Variants in ITPKB observed in about 807,000 individuals in gnomAD.
The protein encoded by ITPKB is inositol-trisphosphate 3-kinase B.
ITPKB carries 13 observed loss-of-function variants against 69.4 expected under a neutral mutation model. The observed-to-expected ratio is 0.19, with a 90% CI of 0.12 to 0.30. The LOEUF is 0.30. ITPKB is among the 10% of genes least tolerant of loss of function. ITPKB has a pLI of 1.00. For synonymous variants in ITPKB, 584 were observed against 513.7 expected, an observed-to-expected ratio of 1.14 and a Z score of -1.85; for missense variants, 1,240 against 1,250.5, an observed-to-expected ratio of 0.99 and a Z score of 0.13.
chr1:226,704,802 A>G (rs536270699), intron 2 of ITPKB, among the ~76,000 whole-genome samples: 2 of 152,248 alleles, frequency 1.3e-5, no homozygotes, highest in African/African-American at 2.4e-5. Flanking sequence ...ACCTGTGACT[A>G]CACACAGCCT....
At chr1:226,663,893 T>C (rs929931042) in intron 2 of ITPKB, among the ~76,000 whole-genome samples, 16 of 152,204 alleles carry the variant, frequency 1.1e-4, no homozygotes, top group African/African-American at 3.4e-4. Flanking sequence ...ACAGACAGCA[T>C]GGGTTTTCAC....
At chr1:226,698,117 C>T (rs192442798) in intron 2 of ITPKB, among the ~76,000 whole-genome samples, 54 of 152,328 alleles carry the variant, frequency 3.5e-4, no homozygotes, top group African/African-American at 1.1e-3. Context: ...TGTCAAGGGG[C>T]CAAGGGGAAT....
At chr1:226,639,688 G>A (rs1349833959) in intron 5 of ITPKB, 30 bp from the exon 6 acceptor site, 1 of 1,437,464 alleles carries the variant, frequency 7.0e-7, no homozygotes, top group Non-Finnish European at 9.8e-7. Context: ...ACCCAGGAGG[G>A]GGTCAGCAGG....
intron 2 of ITPKB, chr1:226,657,194 T>A (rs905584921): frequency 6.6e-6 from 1 of 152,260 alleles, no homozygotes; most frequent in Non-Finnish European, 1.5e-5. Flanking sequence ...TATCAGTTTC[T>A]GGTTCAAGTC....
At chr1:226,689,765 C>T (rs1445619793) in intron 2 of ITPKB, among the ~76,000 whole-genome samples, 1 of 152,170 alleles carries the variant, frequency 6.6e-6, no homozygotes, top group Admixed American at 6.5e-5. Flanking sequence ...TCCTCTCTCT[C>T]CTCCTACCCT....
At chr1:226,722,573 C>G (rs1657274856) in intron 2 of ITPKB, among the ~76,000 whole-genome samples, 12 of 152,194 alleles carry the variant, frequency 7.9e-5, no homozygotes, top group Admixed American at 7.9e-4. Context: ...AATTACCATT[C>G]TGTGTATATT....
chr1:226,690,529 C>T (rs1332341307), intron 2 of ITPKB, among the ~76,000 whole-genome samples: 1 of 136,414 alleles, frequency 7.3e-6, no homozygotes, highest in Non-Finnish European at 1.5e-5. Context: ...TAACTCACTC[C>T]TCCTACGTCA....
At chr1:226,715,953 GGT>G in intron 2 of ITPKB, among the ~76,000 whole-genome samples, 1 of 152,324 alleles carries the variant, frequency 6.6e-6, no homozygotes, top group South Asian at 2.1e-4. Context: ...TAGGACTACA[GGT>G]GCCCGTCATA....
chr1:226,688,290 A>C (rs1290618355), intron 2 of ITPKB, among the ~76,000 whole-genome samples: 1 of 152,178 alleles, frequency 6.6e-6, no homozygotes, highest in East Asian at 1.9e-4. Flanking sequence ...CTGGCACTGG[A>C]AATGCAAAGA....
At chr1:226,675,955 G>A (rs753074945) in intron 2 of ITPKB, among the ~76,000 whole-genome samples, 2 of 152,156 alleles carry the variant, frequency 1.3e-5, no homozygotes, top group African/African-American at 4.8e-5. Context: ...CTGGTCAGAG[G>A]AGTATAAGCA....
intron 2 of ITPKB, among the ~76,000 whole-genome samples, chr1:226,669,664 T>C (rs553628822): frequency 1.3e-5 from 2 of 152,168 alleles, no homozygotes; most frequent in East Asian, 3.9e-4. Context: ...AAAGCAGAAG[T>C]CAAATAAACT....
chr1:226,736,993 C>G lies in ITPKB; in HGVS notation c.466G>C (p.Ala156Pro), dbSNP rs1223800652. 2 of 1,612,690 alleles carry G rather than the reference C, an allele frequency of 1.2e-6. No individual in the cohort carries two copies. The highest frequency in any genetic ancestry group is 1.7e-6 in the Non-Finnish European group (2 of 1,179,946). ...GGCGCTTGAATGGCGGAGCTCTGTG[C>G]CTGGATGTGCGCCTCAAACATGCCC... Reference protein sequence around the residue: ...KVGMFEAHIQAQSSAIQAPRS... With the variant: ...KVGMFEAHIQPQSSAIQAPRS... The change falls in exon 2 of 8, where the codon GCA becomes CCA. Residue 156 changes from alanine to proline, a missense_variant. By Grantham distance (27) the Ala-to-Pro change is conservative. This residue lies in a region of ITPKB where 992 missense variants were observed against 853.8 expected (regional missense o/e 1.16). Transcript: ENST00000429204.
Position 226,669,867 on chromosome 1 carries a change from G to GT in ITPKB, c.1933-21097dup, listed in dbSNP as rs542490005. On this transcript the variant is annotated intron_variant, in intron 2 of 7. Coordinates refer to ENST00000429204, the MANE Select transcript of ITPKB (RefSeq NM_002221.4). ...AACAAAAAAAATGTTTTTTTGGTTT[G>GT]TTTTTTTTTTGTTTTTGTTTTTCTG... 9.8e-3 allele frequency among the ~76,000 whole-genome samples: 1,429 copies of GT among 145,762 alleles called. 13 individuals carry two copies. Among genetic ancestry groups the GT allele is most frequent in the Non-Finnish European group, 0.016 (1,027 of 65,934 alleles).
intron 1 of ITPKB, 25 bp downstream of exon 1, chr1:226,739,016 G>A (rs1657910149): frequency 6.6e-6 from 1 of 152,318 alleles, no homozygotes; most frequent in African/African-American, 2.4e-5. Flanking sequence ...AGAGGCGAGA[G>A]CCATTAAAAG....
intron 2 of ITPKB, among the ~76,000 whole-genome samples, chr1:226,724,310 C>T (rs1342649870): frequency 6.6e-6 from 1 of 152,128 alleles, no homozygotes; most frequent in Non-Finnish European, 1.5e-5. Context: ...CTACAAACCT[C>T]AATGTCAAAG....
intron 2 of ITPKB, among the ~76,000 whole-genome samples, chr1:226,673,663 T>G (rs1040880311): frequency 3.3e-5 from 5 of 152,222 alleles, no homozygotes; most frequent in African/African-American, 1.2e-4. Context: ...AGATAAATAG[T>G]GTAGATATTG....
chr1:226,684,849 C>T (rs759379568), intron 2 of ITPKB, among the ~76,000 whole-genome samples: 9 of 152,190 alleles, frequency 5.9e-5, no homozygotes, highest in African/African-American at 2.2e-4. Context: ...GAGTCCAGAT[C>T]TGCCAAGGCC....
chr1:226,708,012 G>A, intron 2 of ITPKB: 1 of 624,822 alleles, frequency 1.6e-6, no homozygotes, highest in Non-Finnish European at 2.4e-6. Flanking sequence ...ACCAAAGGTA[G>A]GAGTAAGATG....
intron 2 of ITPKB, chr1:226,669,183 A>C (rs1669562832): frequency 6.6e-6 from 1 of 152,206 alleles, no homozygotes; most frequent in African/African-American, 2.4e-5. Flanking sequence ...TGGGAGGCCG[A>C]GGCGGGTGGA....
Sources: gnomAD v4.1 joint callset for allele counts (sites outside exome capture counted in the v4.1 genomes callset) on GRCh38, gnomAD v4.1.1 for gene constraint, gnomAD v4.1.1 regional missense constraint, MANE v1.5 for transcripts, NCBI Gene and HGNC (gene_info 2026-07-23, HGNC 2026-07-21) for gene names.